The following DSCAM variants were observed in gnomAD, a reference collection of about 807,000 sequenced individuals.
DSCAM encodes the protein cell adhesion molecule DSCAM.
A neutral mutation model predicts 217.7 loss-of-function variants in DSCAM; 47 were observed. The observed-to-expected ratio is 0.22, with a 90% CI of 0.17 to 0.28. DSCAM has a LOEUF of 0.28. DSCAM is among the 10% of genes least tolerant of loss of function. DSCAM has a pLI of 1.00. For missense variants in DSCAM, 2,080 were observed against 2,618.3 expected (o/e 0.79, Z 4.49); for synonymous variants, 1,056 against 1,015.3 (o/e 1.04, Z -0.76).
At chr21:40,738,911 A>T (rs12483457) in intron 1 of DSCAM, among the ~76,000 whole-genome samples, 61,174 of 151,984 alleles carry the variant, frequency 0.4, 13,085 homozygotes, top group East Asian at 0.47. Flanking sequence ...CCCAACAAGG[A>T]GAGGGATGGA....
chr21:40,604,456 A>G (rs1047815374), intron 3 of DSCAM, among the ~76,000 whole-genome samples: 2 of 152,062 alleles, frequency 1.3e-5, no homozygotes, highest in Non-Finnish European at 2.9e-5. Context: ...CTGTCTCTTC[A>G]TATGTATTTT....
intron 11 of DSCAM, among the ~76,000 whole-genome samples, chr21:40,235,898 C>T (rs991006754): frequency 6.6e-6 from 1 of 152,094 alleles, no homozygotes. Flanking sequence ...AAAAAGCTCA[C>T]TGTTGCATGG....
chr21:40,450,628 C>T (rs951778134), intron 3 of DSCAM, among the ~76,000 whole-genome samples: 1 of 152,136 alleles, frequency 6.6e-6, no homozygotes, highest in Non-Finnish European at 1.5e-5. Flanking sequence ...AATTTGCTTG[C>T]AAATGTTTGA....
At chr21:40,544,916 C>CAA (rs376609606) in intron 3 of DSCAM, among the ~76,000 whole-genome samples, 48 of 130,678 alleles carry the variant, frequency 3.7e-4, no homozygotes, top group Middle Eastern at 3.9e-3. Flanking sequence ...TAAAAGTTTC[C>CAA]AAAAAAAAAA....
At chr21:40,184,580 A>G (rs1423163429) in intron 14 of DSCAM, among the ~76,000 whole-genome samples, 1 of 152,246 alleles carries the variant, frequency 6.6e-6, no homozygotes, top group Non-Finnish European at 1.5e-5. Context: ...GCCTGTACTC[A>G]GCTTTATAGA....
chr21:40,203,323 C>T (rs1247828739), intron 11 of DSCAM, among the ~76,000 whole-genome samples: 1 of 152,212 alleles, frequency 6.6e-6, no homozygotes, highest in Non-Finnish European at 1.5e-5. Context: ...TTGTTTCTTT[C>T]CTTTTATACA....
At chr21:40,046,153 G>A (rs985089590) in intron 30 of DSCAM, among the ~76,000 whole-genome samples, 7 of 152,194 alleles carry the variant, frequency 4.6e-5, no homozygotes, top group Admixed American at 3.9e-4. Context: ...ATTCCATGTT[G>A]GAATGTGAAA....
intron 11 of DSCAM, among the ~76,000 whole-genome samples, chr21:40,235,744 G>A (rs567743012): frequency 1.8e-4 from 27 of 151,692 alleles, no homozygotes; most frequent in Non-Finnish European, 3.5e-4. Flanking sequence ...TAATGATGAT[G>A]CATCACCAGG....
intron 2 of DSCAM, among the ~76,000 whole-genome samples, chr21:40,701,073 T>A (rs1009473285): frequency 9.2e-5 from 14 of 152,190 alleles, no homozygotes; most frequent in Non-Finnish European, 1.9e-4. Flanking sequence ...ATTAGTAGAA[T>A]TCAATAGTGA....
intron 3 of DSCAM, among the ~76,000 whole-genome samples, chr21:40,529,949 C>A (rs943106087): frequency 5.3e-5 from 8 of 152,256 alleles, no homozygotes; most frequent in African/African-American, 1.7e-4. Flanking sequence ...TTGACCCCAG[C>A]AATACTTTGG....
At chr21:40,697,245 G>A (rs1239275011) in intron 2 of DSCAM, among the ~76,000 whole-genome samples, 2 of 152,182 alleles carry the variant, frequency 1.3e-5, no homozygotes, top group African/African-American at 2.4e-5. Flanking sequence ...TGGATGGAGA[G>A]TTTGCAAATA....
At chr21:40,447,301 A>C (rs2075683070) in intron 3 of DSCAM, among the ~76,000 whole-genome samples, 1 of 152,224 alleles carries the variant, frequency 6.6e-6, no homozygotes, top group Admixed American at 6.5e-5. Context: ...ATTTCCTTCT[A>C]AAAGTCCCAT....
intron 20 of DSCAM, among the ~76,000 whole-genome samples, chr21:40,097,193 A>G (rs191897463): frequency 1.3e-5 from 2 of 152,206 alleles, no homozygotes; most frequent in East Asian, 3.9e-4. Context: ...AACAATACCA[A>G]TGTAATGTGG....
chr21:40,337,889 T>G (rs1758251822), intron 8 of DSCAM, among the ~76,000 whole-genome samples: 1 of 152,220 alleles, frequency 6.6e-6, no homozygotes, highest in South Asian at 2.1e-4. Context: ...AAGCCAAAAT[T>G]CCACCTGGAG....
At chr21:40,061,650 C>T (rs75359420) in intron 28 of DSCAM, among the ~76,000 whole-genome samples, 4 of 151,846 alleles carry the variant, frequency 2.6e-5, no homozygotes, top group South Asian at 2.1e-4. Context: ...TTTTGAAATA[C>T]GGTATGGCCA....
intron 20 of DSCAM, among the ~76,000 whole-genome samples, chr21:40,099,674 C>T (rs1030337489): frequency 7.9e-5 from 12 of 152,186 alleles, no homozygotes; most frequent in Admixed American, 2.6e-4. Context: ...GATCTTAAAG[C>T]GTGAGAATGC....
At chr21:40,456,694 A>G (rs1441842424) in intron 3 of DSCAM, among the ~76,000 whole-genome samples, 2 of 112,504 alleles carry the variant, frequency 1.8e-5, no homozygotes, top group Non-Finnish European at 4.0e-5. Context: ...ACACAATACA[A>G]AAATTATTGT....
intron 3 of DSCAM, among the ~76,000 whole-genome samples, chr21:40,408,758 G>A (rs956385917): frequency 2.0e-5 from 3 of 152,192 alleles, no homozygotes; most frequent in African/African-American, 7.2e-5. Flanking sequence ...CACAGCTGGA[G>A]TGACGTGTTC....
intron 11 of DSCAM, among the ~76,000 whole-genome samples, chr21:40,273,199 T>A (rs2123370932): frequency 6.6e-6 from 1 of 152,354 alleles, no homozygotes; most frequent in Non-Finnish European, 1.5e-5. Context: ...ATTTAGAGTA[T>A]CTTATGTCTT....
Sources: gnomAD v4.1 joint callset for allele counts (sites outside exome capture counted in the v4.1 genomes callset) on GRCh38, gnomAD v4.1.1 for gene constraint, MANE v1.5 for transcripts, NCBI Gene and HGNC (gene_info 2026-07-23, HGNC 2026-07-21) for gene names.